The following SPEF2 variants were observed in gnomAD, a reference collection of about 807,000 sequenced individuals.
The protein encoded by SPEF2 is sperm flagellar and cilia associated 2.
A neutral mutation model predicts 224.6 loss-of-function variants in SPEF2; 187 were observed. That is an observed-to-expected ratio of 0.83 (90% CI 0.74 to 0.94). SPEF2 has a LOEUF of 0.94. Ranked by LOEUF, SPEF2 falls within the 40% of genes least tolerant of loss-of-function variation. SPEF2 has a pLI of 0.00. For synonymous variants in SPEF2, 715 were observed against 707.3 expected, an observed-to-expected ratio of 1.01 and a Z score of -0.17; for missense variants, 2,170 against 2,135.6, an observed-to-expected ratio of 1.02 and a Z score of -0.32.
intron 24 of SPEF2, among the ~76,000 whole-genome samples, chr5:35,756,895 A>G (rs1387362566): frequency 1.3e-5 from 2 of 152,052 alleles, no homozygotes; most frequent in Non-Finnish European, 2.9e-5. Context: ...ACACTATTTG[A>G]CCTTGAGAAG....
chr5:35,710,718 T>A, intron 19 of SPEF2: 1 of 980,054 alleles, frequency 1.0e-6, no homozygotes, highest in Non-Finnish European at 1.2e-6. Flanking sequence ...TTGAGCCATT[T>A]CCTGAAACCA....
chr5:35,703,282 T>C (rs966336447), intron 16 of SPEF2, among the ~76,000 whole-genome samples: 1 of 151,910 alleles, frequency 6.6e-6, no homozygotes, highest in Non-Finnish European at 1.5e-5. Flanking sequence ...GCTGGTACAG[T>C]AAAGGACACA....
chr5:35,748,165 C>T (rs936961322), intron 23 of SPEF2, among the ~76,000 whole-genome samples: 15 of 151,986 alleles, frequency 9.9e-5, no homozygotes, highest in South Asian at 2.1e-4. Context: ...ACCAAAACCT[C>T]GGATACAGCA....
chr5:35,748,182 G>C (rs1748858541), intron 23 of SPEF2, among the ~76,000 whole-genome samples: 1 of 152,052 alleles, frequency 6.6e-6, no homozygotes, highest in African/African-American at 2.4e-5. Context: ...AGCAAAGGCA[G>C]TGCTAAGAGG....
Position 35,709,453 on chromosome 5 carries a change from A to G in SPEF2, c.2839+332A>G, listed in dbSNP as rs190270665. ...AGGATACACGTCTGTGTGCTGAACTATAGAGTTACATTTATGTAATGAGTA... is the reference window on the plus strand; with the variant it reads ...AGGATACACGTCTGTGTGCTGAACTGTAGAGTTACATTTATGTAATGAGTA... On this transcript the variant is annotated intron_variant, in intron 19 of 36. Coordinates refer to ENST00000356031, the MANE Select transcript of SPEF2 (RefSeq NM_024867.4). The G allele has an allele frequency of 2.3e-5, 24 of 1,035,330 alleles. No homozygotes were observed. The East Asian group carries it at 1.8e-3, about 77-fold the overall frequency. 64.1% of individuals were successfully genotyped at this position (1,035,330 alleles called of 1,614,324 possible).
chr5:35,783,111 T>C (rs921627521), intron 30 of SPEF2, among the ~76,000 whole-genome samples: 3 of 152,234 alleles, frequency 2.0e-5, no homozygotes, highest in Non-Finnish European at 4.4e-5. Context: ...ATCATTCCTA[T>C]GAGCGTACTA....
intron 10 of SPEF2, among the ~76,000 whole-genome samples, chr5:35,680,383 G>T (rs1461646062): frequency 6.6e-6 from 1 of 151,998 alleles, no homozygotes; most frequent in African/African-American, 2.4e-5. Context: ...CCCTAATTTT[G>T]GGTTATCCCT....
chr5:35,636,957 CAG>C (rs1440947631), intron 2 of SPEF2, among the ~76,000 whole-genome samples: 1 of 138,204 alleles, frequency 7.2e-6, no homozygotes, highest in Non-Finnish European at 1.5e-5. Context: ...GCCTGGGTGA[CAG>C]AGTGAGACTC....
intron 32 of SPEF2, among the ~76,000 whole-genome samples, chr5:35,794,083 T>C (rs1272828044): frequency 6.6e-6 from 1 of 152,206 alleles, no homozygotes; most frequent in African/African-American, 2.4e-5. Flanking sequence ...AGAAGTTAGA[T>C]GGCAGAGGGT....
At position 35,667,056 on chromosome 5, in the gene SPEF2, G is replaced by GT; in HGVS notation, c.1168-11dup. 6.3e-7 allele frequency: 1 copy of GT among 1,584,046 alleles called. No homozygotes were observed. The highest frequency in any genetic ancestry group is 8.5e-7 in the Non-Finnish European group (1 of 1,170,558). Reference sequence around the variant, plus strand: ...TTCAATTATAGTGACTTAAAAATATGTTTTTGCCTTTTTAGGCTTTGGCAA... The same window carrying GT: ...TTCAATTATAGTGACTTAAAAATATGTTTTTTGCCTTTTTAGGCTTTGGCAA... On this transcript the variant is annotated splice_polypyrimidine_tract_variant and intron_variant, in intron 8 of 36. Coordinates refer to ENST00000356031, the MANE Select transcript of SPEF2 (RefSeq NM_024867.4).
chr5:35,754,725 C>A (rs936768505), intron 24 of SPEF2, among the ~76,000 whole-genome samples: 1 of 152,096 alleles, frequency 6.6e-6, no homozygotes, highest in African/African-American at 2.4e-5. Context: ...AATGCCCTAA[C>A]AAAAGGGAGG....
intron 25 of SPEF2, among the ~76,000 whole-genome samples, chr5:35,760,205 C>CA (rs534130165): frequency 0.021 from 3,142 of 151,428 alleles, 78 homozygotes; most frequent in South Asian, 0.053. Flanking sequence ...ACTAAAAATA[C>CA]AAAAAAAATT....
chr5:35,627,233 C>T lies in SPEF2; in HGVS notation c.59-1227C>T, dbSNP rs532413952. Among the ~76,000 whole-genome samples, 7 of 151,918 alleles carry T rather than the reference C, an allele frequency of 4.6e-5. No homozygotes were observed. The East Asian group carries it at 1.4e-3, about 29-fold the overall frequency. On this transcript the variant is annotated intron_variant, in intron 1 of 36. Coordinates refer to ENST00000356031, the MANE Select transcript of SPEF2 (RefSeq NM_024867.4). ...ATATCATGTAAGTCTATATATTTTA[C>T]TTTATAAGAAAAATACAAGTAACTC...
chr5:35,712,002 G>T (rs1741245096), intron 19 of SPEF2, among the ~76,000 whole-genome samples: 1 of 151,936 alleles, frequency 6.6e-6, no homozygotes, highest in South Asian at 2.1e-4. Flanking sequence ...CATTAATTGG[G>T]GCATCTCCAG....
chr5:35,778,841 C>T (rs1753948939), intron 29 of SPEF2, among the ~76,000 whole-genome samples: 1 of 151,984 alleles, frequency 6.6e-6, no homozygotes, highest in Non-Finnish European at 1.5e-5. Flanking sequence ...CTAATAAAAA[C>T]TATATTTAAT....
At position 35,715,382 on chromosome 5, in the gene SPEF2, A is replaced by T. The variant is rs555691147; in HGVS notation, c.2914+2496A>T. ...GAAATGAAATAAAACTTCCAGTTTT[A>T]AAAAAAAAAGTCCTCCACAACTTAA... On this transcript the variant is annotated intron_variant, in intron 20 of 36. Coordinates refer to ENST00000356031, the MANE Select transcript of SPEF2 (RefSeq NM_024867.4). 9.5e-4 allele frequency among the ~76,000 whole-genome samples: 141 copies of T among 149,020 alleles called. 1 individual carries two copies. Among genetic ancestry groups the T allele is most frequent in the African/African-American group, 3.1e-3 (126 of 40,754 alleles).
At position 35,779,356 on chromosome 5, in the gene SPEF2, A is replaced by C. The variant is rs1754012923; in HGVS notation, c.4447+10A>C. On this transcript the variant is annotated intron_variant, in intron 30 of 36. Transcript: ENST00000356031. ...GATATGGCACCTAAAGGTAGGAAAA[A>C]TAATTATCATGAAAAGAGCACAAAA... 4 of 1,578,102 alleles carry C rather than the reference A, an allele frequency of 2.5e-6. No homozygotes were observed. Among genetic ancestry groups the C allele is most frequent in the Non-Finnish European group, 3.4e-6 (4 of 1,161,774 alleles).
chr5:35,782,656 C>T (rs1223263689), intron 30 of SPEF2, among the ~76,000 whole-genome samples: 1 of 151,922 alleles, frequency 6.6e-6, no homozygotes, highest in Non-Finnish European at 1.5e-5. Flanking sequence ...TAAATACTTG[C>T]AACTAGATAG....
chr5:35,650,087 ATC>A (rs1561132805), intron 6 of SPEF2, among the ~76,000 whole-genome samples: 1 of 152,222 alleles, frequency 6.6e-6, no homozygotes, highest in Non-Finnish European at 1.5e-5. Flanking sequence ...TATGAGATAA[ATC>A]TCTGTTAAAG....
Sources: gnomAD v4.1 joint callset for allele counts (sites outside exome capture counted in the v4.1 genomes callset) on GRCh38, gnomAD v4.1.1 for gene constraint, MANE v1.5 for transcripts, NCBI Gene and HGNC (gene_info 2026-07-23, HGNC 2026-07-21) for gene names.